The following USP4 variants were observed in gnomAD, a reference collection of about 807,000 sequenced individuals.
USP4 encodes ubiquitin carboxyl-terminal hydrolase 4.
In USP4, 72 loss-of-function variants were observed where a neutral mutation model predicts 118.2. That is an observed-to-expected ratio of 0.61 (90% CI 0.50 to 0.74). The LOEUF is 0.74. Among genes scored for constraint, USP4 ranks in the 30% least tolerant of loss-of-function variants. USP4 has a pLI of 0.00. For synonymous variants in USP4, 415 were observed against 440.4 expected, an observed-to-expected ratio of 0.94 and a Z score of 0.72; for missense variants, 1,037 against 1,185.7, an observed-to-expected ratio of 0.87 and a Z score of 1.84.
chr3:49,329,626 C>T (rs1474005564), intron 2 of USP4, among the ~76,000 whole-genome samples: 1 of 152,052 alleles, frequency 6.6e-6, no homozygotes, highest in African/African-American at 2.4e-5. Flanking sequence ...GTCTCCAATT[C>T]CTGGGTTCAA....
At chr3:49,290,542 T>G (rs1308612718) in intron 15 of USP4, among the ~76,000 whole-genome samples, 1 of 152,232 alleles carries the variant, frequency 6.6e-6, no homozygotes. Context: ...TGAGATGGAA[T>G]GTTGTTCTGT....
At position 49,311,616 on chromosome 3, in the gene USP4, G is replaced by A. The variant is rs1316438532; in HGVS notation, c.734C>T (p.Pro245Leu). Residue 245 changes from proline (P) to leucine (L), a missense_variant, in exon 7 of 22, where the codon CCA (proline) becomes CTA (leucine). Pro to Leu is a moderately conservative substitution (Grantham distance 98). This residue lies in a region of USP4 where 487 missense variants were observed against 534.1 expected (regional missense o/e 0.91). Transcript: ENST00000265560. ...GGAATAGGGACTTGCTGATGATTTTGGAGAGGTAGTAAAATTTCTGCTAGG... is the reference window on the plus strand; with the variant it reads ...GGAATAGGGACTTGCTGATGATTTTAGAGAGGTAGTAAAATTTCTGCTAGG... ...TAPSRNFTTS[P>L]KSSASPYSSV... 2 of 1,613,890 alleles carry A rather than the reference G, an allele frequency of 1.2e-6. No individual in the cohort carries two copies. The highest frequency in any genetic ancestry group is 1.7e-6 in the Non-Finnish European group (2 of 1,179,940).
At chr3:49,327,594 G>A (rs983006906) in intron 3 of USP4, 92 bp downstream of exon 3, 6 of 1,404,362 alleles carry the variant, frequency 4.3e-6, no homozygotes, top group Admixed American at 1.9e-5. Flanking sequence ...AACCACTGAG[G>A]TATGTTCATT....
chr3:49,321,481 T>C (rs2047500717), intron 6 of USP4, among the ~76,000 whole-genome samples: 1 of 151,450 alleles, frequency 6.6e-6, no homozygotes. Context: ...ATTGTACCTT[T>C]TTTTTTTTTT....
intron 10 of USP4, 66 bp from the exon 11 acceptor site, chr3:49,300,757 G>A (rs1338335825): frequency 1.4e-6 from 2 of 1,457,184 alleles, no homozygotes; most frequent in East Asian, 2.3e-5. Context: ...CATCCAGAAT[G>A]ACTCACAGCA....
In USP4 at chr3:49,278,104, C is replaced by A; in HGVS notation, c.*189G>T. ...CACCTGTTTAAAAATAAAAATAATT[C>A]AGCCTCTTGACATAGCTTCTTCTAG... On this transcript the variant is annotated 3_prime_UTR_variant, in exon 22 of 22. Transcript: ENST00000265560. 3.1e-6 allele frequency: 2 copies of A among 637,934 alleles called. No individual in the cohort carries two copies. The highest frequency in any genetic ancestry group is 2.5e-6 in the Non-Finnish European group (1 of 407,190). The allele number at this position is 637,934 out of a possible 1,614,324, so 39.5% of individuals were successfully genotyped here.
chr3:49,280,396 C>T (rs961252099), intron 20 of USP4, among the ~76,000 whole-genome samples: 3 of 150,904 alleles, frequency 2.0e-5, no homozygotes, highest in African/African-American at 7.3e-5. Context: ...CCCGTCTCTA[C>T]TAAAAATACA....
intron 15 of USP4, among the ~76,000 whole-genome samples, chr3:49,288,854 G>A (rs1198596714): frequency 3.9e-5 from 6 of 152,260 alleles, no homozygotes; most frequent in Admixed American, 3.9e-4. Flanking sequence ...TCACGCCTAT[G>A]ATCCCAGCAC....
At position 49,317,152 on chromosome 3, in the gene USP4, T is replaced by C. The variant is rs761564597; in HGVS notation, c.696-5498A>G. The C allele has an allele frequency of 1.4e-5, 20 of 1,427,088 alleles. No individual in the cohort carries two copies. In the African/African-American group the frequency reaches 2.5e-4, roughly 18 times the overall value. 88.4% of individuals were successfully genotyped at this position (1,427,088 alleles called of 1,614,324 possible). Reference sequence around the variant, plus strand: ...CTTGGTCAGGTTCCCAGCTTCCCTCTTCAGGACACTGAGCAAAGTCTGGGA... The same window carrying C: ...CTTGGTCAGGTTCCCAGCTTCCCTCCTCAGGACACTGAGCAAAGTCTGGGA... On this transcript the variant is annotated intron_variant, in intron 6 of 21. Coordinates refer to ENST00000265560, the MANE Select transcript of USP4 (RefSeq NM_003363.4).
intron 9 of USP4, among the ~76,000 whole-genome samples, chr3:49,304,389 A>G (rs2047291621): frequency 6.6e-6 from 1 of 152,088 alleles, no homozygotes; most frequent in Non-Finnish European, 1.5e-5. Context: ...GGCAATGGAA[A>G]GCCCAAGTTG....
At chr3:49,311,897 G>A (rs112727300) in intron 6 of USP4, 1 of 1,177,740 alleles carries the variant, frequency 8.5e-7, no homozygotes, top group Non-Finnish European at 1.1e-6. Context: ...AAACCACAAG[G>A]CTGACCAGGC....
intron 19 of USP4, 125 bp downstream of exon 19, chr3:49,283,862 C>G: frequency 1.7e-6 from 2 of 1,180,272 alleles, no homozygotes; most frequent in South Asian, 2.9e-5. Context: ...ACTCTGACCT[C>G]CTAGACCCCG....
chr3:49,334,968 T>A (rs1364631168), intron 2 of USP4, among the ~76,000 whole-genome samples: 1 of 152,202 alleles, frequency 6.6e-6, no homozygotes, highest in East Asian at 1.9e-4. Context: ...CATGTCGCTT[T>A]TCCCACAGTT....
chr3:49,296,673 A>G (rs1330448075), intron 13 of USP4, among the ~76,000 whole-genome samples: 1 of 152,224 alleles, frequency 6.6e-6, no homozygotes, highest in African/African-American at 2.4e-5. Context: ...AATAAAATAA[A>G]AATACCAGAT....
intron 6 of USP4, among the ~76,000 whole-genome samples, chr3:49,323,913 G>A (rs182312310): frequency 6.6e-6 from 1 of 152,232 alleles, no homozygotes; most frequent in East Asian, 1.9e-4. Context: ...TTTTGTAGCT[G>A]AACAATTCAC....
At chr3:49,312,234 G>A (rs1012488972) in intron 6 of USP4, 4 of 250,002 alleles carry the variant, frequency 1.6e-5, no homozygotes, top group Non-Finnish European at 2.5e-5. Flanking sequence ...CGAGGCTGGC[G>A]GATCATGAGG....
At chr3:49,297,126 C>T (rs1419230398) in intron 13 of USP4, among the ~76,000 whole-genome samples, 1 of 152,212 alleles carries the variant, frequency 6.6e-6, no homozygotes, top group African/African-American at 2.4e-5. Flanking sequence ...AACCCTTTCT[C>T]AGCAGAGGCA....
At chr3:49,291,540 C>CTCCT (rs2047151030) in intron 15 of USP4, among the ~76,000 whole-genome samples, 1 of 146,884 alleles carries the variant, frequency 6.8e-6, no homozygotes. Context: ...CGCCACTGCG[C>CTCCT]TCCTGCATGG....
rs552664868 is a variant in USP4, at chr3:49,283,293, C to T, written c.2540+694G>A. Reference sequence around the variant, plus strand: ...CCTCCCAAAGTGCTGGGATTACAAGCATGAGCCACCGTGCCCAGCCTATTT... The same window carrying T: ...CCTCCCAAAGTGCTGGGATTACAAGTATGAGCCACCGTGCCCAGCCTATTT... On this transcript the variant is annotated intron_variant, in intron 19 of 21. Transcript: ENST00000265560. 4.7e-4 allele frequency among the ~76,000 whole-genome samples: 71 copies of T among 152,024 alleles called. No homozygotes were observed. In the Middle Eastern group the frequency reaches 0.014, roughly 29 times the overall value.
Sources: allele counts gnomAD v4.1 joint callset (sites outside exome capture counted in the v4.1 genomes callset), GRCh38; gene constraint gnomAD v4.1.1; regional missense constraint gnomAD v4.1.1; transcripts MANE v1.5; gene names NCBI Gene and HGNC (gene_info 2026-07-23, HGNC 2026-07-21).